The following CDCA7L variants were observed in gnomAD, a reference collection of about 807,000 sequenced individuals.
CDCA7L encodes the protein cell division cycle associated 7 like.
Under a neutral mutation model 57.4 loss-of-function variants are expected in CDCA7L, and 44 were observed. The ratio of observed to expected loss-of-function variants is 0.77; its 90% CI spans 0.60 to 0.98. CDCA7L has a LOEUF of 0.98. Among genes scored for constraint, CDCA7L ranks in the 50% least tolerant of loss-of-function variants. CDCA7L has a pLI of 0.00. For synonymous variants in CDCA7L, 236 were observed against 202.8 expected, an observed-to-expected ratio of 1.16 and a Z score of -1.39; for missense variants, 644 against 580.6, an observed-to-expected ratio of 1.11 and a Z score of -1.12.
intron 1 of CDCA7L, among the ~76,000 whole-genome samples, chr7:21,928,659 A>T (rs553808450): frequency 6.6e-6 from 1 of 152,076 alleles, no homozygotes; most frequent in African/African-American, 2.4e-5. Context: ...TGAAGCATAC[A>T]CAAGTATCAA....
In CDCA7L at chr7:21,905,494, T is replaced by G; in HGVS notation, c.1047+12A>C. 6.2e-7 allele frequency: 1 copy of G among 1,613,168 alleles called. No homozygotes were observed. Among genetic ancestry groups the G allele is most frequent in the Non-Finnish European group, 8.5e-7 (1 of 1,179,410 alleles). On this transcript the variant is annotated intron_variant, in intron 7 of 9. Transcript: ENST00000406877. ...GACTCCCAATAAGAATGACAATTAA[T>G]GTATACTTTACCAGAACTTTATCAT...
At chr7:21,927,278 G>C (rs1315293831) in intron 1 of CDCA7L, among the ~76,000 whole-genome samples, 1 of 152,122 alleles carries the variant, frequency 6.6e-6, no homozygotes, top group African/African-American at 2.4e-5. Context: ...GAACTAACGT[G>C]AATCTGGAAA....
At position 21,902,310 on chromosome 7, in the gene CDCA7L, T is replaced by TTTGTTTTCCTC. The variant is rs1750397601; in HGVS notation, c.*1_*11dup. 3.1e-6 allele frequency: 5 copies of TTTGTTTTCCTC among 1,613,316 alleles called. No individual in the cohort carries two copies. Among genetic ancestry groups the TTTGTTTTCCTC allele is most frequent in the Non-Finnish European group, 4.2e-6 (5 of 1,179,426 alleles). On this transcript the variant is annotated 3_prime_UTR_variant, in exon 10 of 10. Coordinates refer to ENST00000406877, the MANE Select transcript of CDCA7L (RefSeq NM_018719.5). ...CTCTATGGTGAGGTGGCTGGTTCTG[T>TTTGTTTTCCTC]TTGTTTTCCTCTTAATTGTCTTCTA...
Position 21,901,375 on chromosome 7 carries a change from T to G in CDCA7L, c.*947A>C. 1 of 1,325,110 alleles carries G rather than the reference T, an allele frequency of 7.5e-7. No individual in the cohort carries two copies. Among genetic ancestry groups the G allele is most frequent in the African/African-American group, 1.5e-5 (1 of 67,626 alleles). The allele number at this position is 1,325,110 out of a possible 1,614,324, so 82.1% of individuals were successfully genotyped here. A position where few individuals can be genotyped will look rare whatever the true frequency, so the allele number is the denominator to read the frequency against. On this transcript the variant is annotated 3_prime_UTR_variant, in exon 10 of 10. Transcript: ENST00000406877. ...AGTAACTCACACGTGCATTCTTTTT[T>G]CAACGCTATCCTTAGAGTGAAAGTC...
chr7:21,902,135 T>G lies in CDCA7L; in HGVS notation c.*187A>C. ...CTGTGCATACATCTATATAGATTCC[T>G]CTGCTCTGCTGTCTTCCTGAGAAAT... On this transcript the variant is annotated 3_prime_UTR_variant, in exon 10 of 10. Transcript: ENST00000406877. 1 of 636,816 alleles carries G rather than the reference T, an allele frequency of 1.6e-6. No individual in the cohort carries two copies. Among genetic ancestry groups the G allele is most frequent in the Admixed American group, 2.7e-5 (1 of 36,798 alleles). The allele number at this position is 636,816 out of a possible 1,614,324, so 39.4% of individuals were successfully genotyped here. A position where few individuals can be genotyped will look rare whatever the true frequency, so the allele number is the denominator to read the frequency against.
At chr7:21,907,465 A>G (rs1373445526) in intron 4 of CDCA7L, among the ~76,000 whole-genome samples, 1 of 152,226 alleles carries the variant, frequency 6.6e-6, no homozygotes, top group Non-Finnish European at 1.5e-5. Flanking sequence ...TGGTAGAACT[A>G]TTTAAAAAAA....
chr7:21,920,481 C>G (rs1785617628), intron 1 of CDCA7L, among the ~76,000 whole-genome samples: 2 of 152,144 alleles, frequency 1.3e-5, no homozygotes, highest in South Asian at 4.1e-4. Flanking sequence ...GGAAGTGTAA[C>G]ATAAATACAG....
rs539229877 is a variant in CDCA7L at position 21,927,464 on chromosome 7, CAGAGGAGAAAAAAATT to C, written c.25-10586_25-10571del. Reference sequence around the variant, plus strand: ...GATAATGCATTTGAAAATACTGAGTCAGAGGAGAAAAAAATTAGAGGAGAAAAAGTTAAAAAGAATA... The same window carrying C: ...GATAATGCATTTGAAAATACTGAGTCAGAGGAGAAAAAGTTAAAAAGAATA... On this transcript the variant is annotated intron_variant, in intron 1 of 9. Coordinates refer to ENST00000406877, the MANE Select transcript of CDCA7L (RefSeq NM_018719.5). 1.3e-3 allele frequency among the ~76,000 whole-genome samples: 199 copies of C among 151,942 alleles called. 1 individual carries two copies. The highest frequency in any genetic ancestry group is 4.3e-3 in the African/African-American group (180 of 41,408).
intron 9 of CDCA7L, chr7:21,902,757 G>A (rs1042331502): frequency 7.6e-5 from 40 of 526,558 alleles, no homozygotes; most frequent in South Asian, 2.0e-4. Flanking sequence ...TAAAGGCAAC[G>A]TGGAGTTGAG....
intron 1 of CDCA7L, among the ~76,000 whole-genome samples, chr7:21,933,588 T>G (rs60181879): frequency 0.38 from 58,285 of 151,968 alleles, 11,919 homozygotes; most frequent in East Asian, 0.63. Flanking sequence ...TTATTCATAG[T>G]TGGCAGGTGA....
chr7:21,905,528 T>A lies in CDCA7L; in HGVS notation c.1025A>T (p.Asp342Val). The A allele has an allele frequency of 6.2e-7, 1 of 1,613,904 alleles. No homozygotes were observed. The highest frequency in any genetic ancestry group is 1.3e-5 in the African/African-American group (1 of 74,874). The change falls in exon 7 of 10, where the codon GAT (aspartate) becomes GTT (valine). Residue 342 changes from aspartate (D) to valine (V), a missense_variant. By Grantham distance (152) the Asp-to-Val change is radical (BLOSUM62 -3). Coordinates refer to ENST00000406877, the MANE Select transcript of CDCA7L (RefSeq NM_018719.5). ...TACCAGAACTTTATCATAGATTTTA[T>A]CTCGAACAGTTATGGCAACATTTTC... ...DLENVAITVRDKIYDKVLGNT... is the reference protein window; with the variant it reads ...DLENVAITVRVKIYDKVLGNT...
intron 8 of CDCA7L, among the ~76,000 whole-genome samples, 169 bp from the exon 9 acceptor site, chr7:21,903,283 C>T (rs1785002670): frequency 6.6e-6 from 1 of 152,134 alleles, no homozygotes; most frequent in African/African-American, 2.4e-5. Context: ...GGCTGAATCA[C>T]CCCACGTCAC....
chr7:21,902,156 GA>G lies in CDCA7L; in HGVS notation c.*165del, dbSNP rs1265198301. The G allele has an allele frequency of 1.5e-6, 1 of 689,500 alleles. No homozygotes were observed. 42.7% of individuals were successfully genotyped at this position (689,500 alleles called of 1,614,324 possible). ...TTCCTCTGCTCTGCTGTCTTCCTGA[GA>G]AATCTTTGTAAGCATATAAACAATC... On this transcript the variant is annotated 3_prime_UTR_variant, in exon 10 of 10. Coordinates refer to ENST00000406877, the MANE Select transcript of CDCA7L (RefSeq NM_018719.5).
Position 21,902,026 on chromosome 7 carries a change from C to T in CDCA7L, c.*296G>A. On this transcript the variant is annotated 3_prime_UTR_variant, in exon 10 of 10. Transcript: ENST00000406877. The stretch of plus-strand genomic sequence containing the variant: ...CAATGTTTTCTCTCTAACTTACTTA[C>T]CTGAACTTTAACCCCACCCCATTTA... The T allele has an allele frequency of 7.3e-6, 3 of 409,566 alleles. No homozygotes were observed. Among genetic ancestry groups the T allele is most frequent in the Non-Finnish European group, 1.3e-5 (3 of 223,406 alleles). The allele number at this position is 409,566 out of a possible 1,614,324, so 25.4% of individuals were successfully genotyped here.
At chr7:21,906,238 G>A (rs1785134338) in intron 6 of CDCA7L, 51 bp downstream of exon 6, 1 of 1,529,456 alleles carries the variant, frequency 6.5e-7, no homozygotes, top group Non-Finnish European at 8.9e-7. Flanking sequence ...TTCACGTTTG[G>A]AGGGATGGTA....
rs59373889 is a variant in CDCA7L, at chr7:21,944,449, C to CAAAAAAAAAAAAAA, written c.24+1318_24+1331dup. ...CCGGACAAGAGCGAAACTCCGTCTCCAAAAAAAAAAAAAAAAAAAAAAGGA... is the reference window on the plus strand; with the variant it reads ...CCGGACAAGAGCGAAACTCCGTCTCCAAAAAAAAAAAAAAAAAAAAAAAAAAAAAAAAAAAAGGA... On this transcript the variant is annotated intron_variant, in intron 1 of 9. Transcript: ENST00000406877. 5.6e-3 allele frequency among the ~76,000 whole-genome samples: 345 copies of CAAAAAAAAAAAAAA among 61,604 alleles called. 42 individuals carry two copies. The highest frequency in any genetic ancestry group is 0.029 in the African/African-American group (321 of 11,128). The allele number at this position is 61,604 out of a possible 152,430, so 40.4% of individuals were successfully genotyped here.
At chr7:21,906,993 TGAGTCTCA>T (rs1785162723) in intron 4 of CDCA7L, among the ~76,000 whole-genome samples, 1 of 152,174 alleles carries the variant, frequency 6.6e-6, no homozygotes, top group Admixed American at 6.5e-5. Flanking sequence ...TTTGCACACG[TGAGTCTCA>T]AGTTTCAGGA....
Position 21,901,792 on chromosome 7 carries a change from C to CTTTTGTTCAGTCAAGTT in CDCA7L, c.*513_*529dup, listed in dbSNP as rs536029936. 49 of 163,296 alleles carry CTTTTGTTCAGTCAAGTT rather than the reference C, an allele frequency of 3.0e-4. No individual in the cohort carries two copies. The South Asian group carries it at 4.1e-3, about 14-fold the overall frequency. The allele number at this position is 163,296 out of a possible 1,614,324, so 10.1% of individuals were successfully genotyped here. A position where few individuals can be genotyped will look rare whatever the true frequency, so the allele number is the denominator to read the frequency against. On this transcript the variant is annotated 3_prime_UTR_variant, in exon 10 of 10. Coordinates refer to ENST00000406877, the MANE Select transcript of CDCA7L (RefSeq NM_018719.5). The stretch of plus-strand genomic sequence containing the variant: ...CAGTGTCTACAATGTTGATGGTCCC[C>CTTTTGTTCAGTCAAGTT]TTTTGTTCAGTCAAGTTTTAATAAA...
chr7:21,917,605 T>A (rs909394321), intron 1 of CDCA7L, among the ~76,000 whole-genome samples: 1 of 152,222 alleles, frequency 6.6e-6, no homozygotes, highest in Non-Finnish European at 1.5e-5. Flanking sequence ...TACAAACACC[T>A]GTTGATTCTT....
Sources: allele counts gnomAD v4.1 joint callset (sites outside exome capture counted in the v4.1 genomes callset), GRCh38; gene constraint gnomAD v4.1.1; transcripts MANE v1.5; gene names NCBI Gene and HGNC (gene_info 2026-07-23, HGNC 2026-07-21).